Variants in NFIC observed in about 807,000 individuals in gnomAD.
The protein encoded by NFIC is nuclear factor I C, also known as nuclear factor 1 C-type.
In NFIC, 12 loss-of-function variants were observed where a neutral mutation model predicts 54.4. That is an observed-to-expected ratio of 0.22 (90% CI 0.14 to 0.36). The LOEUF (loss-of-function observed/expected upper bound fraction) is 0.36, where lower values mean the gene tolerates loss of function less well. NFIC is among the 10% of genes least tolerant of loss of function. NFIC has a pLI of 1.00. For missense variants in NFIC, 575 were observed against 718.2 expected (o/e 0.80, Z 2.28); for synonymous variants, 322 against 319.2 (o/e 1.01, Z -0.09).
At chr19:3,441,642 C>T (rs8110665) in intron 6 of NFIC, among the ~76,000 whole-genome samples, 10,342 of 152,208 alleles carry the variant, frequency 0.068, 1,146 homozygotes, top group African/African-American at 0.23. Flanking sequence ...ATTGGTGGAC[C>T]GAGGCAAGGG....
chr19:3,363,320 G>A (rs1207354925), upstream of NFIC, among the ~76,000 whole-genome samples: 1 of 137,760 alleles, frequency 7.3e-6, no homozygotes, highest in Admixed American at 7.7e-5. Context: ...TGCCCAGGCT[G>A]GAGTGCAATG....
At chr19:3,386,602 C>T (rs1029927961) in intron 2 of NFIC, among the ~76,000 whole-genome samples, 7 of 152,020 alleles carry the variant, frequency 4.6e-5, no homozygotes, top group South Asian at 2.1e-4. Context: ...GGATGACAGG[C>T]GTGAGCCACC....
intron 2 of NFIC, among the ~76,000 whole-genome samples, chr19:3,420,625 C>T (rs940020064): frequency 1.3e-5 from 2 of 151,480 alleles, no homozygotes; most frequent in African/African-American, 4.9e-5. Context: ...GTACCAATAG[C>T]GATATTAATC....
intron 2 of NFIC, among the ~76,000 whole-genome samples, chr19:3,408,019 T>C (rs2081682587): frequency 6.6e-6 from 1 of 152,158 alleles, no homozygotes. Context: ...ACCCAGTAGC[T>C]GGGAATTCCA....
In NFIC at chr19:3,453,280, T is replaced by C. The variant is rs1193744549; in HGVS notation, c.1270-483T>C. On this transcript the variant is annotated intron_variant, in intron 8 of 10. Coordinates refer to ENST00000443272, the MANE Select transcript of NFIC (RefSeq NM_001245002.2). The surrounding 1 kb of genome is among the most constrained non-coding windows in gnomAD (Gnocchi z 6.7). ...TTGGGGGGCGGGGGGCAGGAAGACA[T>C]TGATTACAAAAAAACCACCAAACTC... Among the ~76,000 whole-genome samples the C allele has an allele frequency of 6.6e-6, 1 of 151,890 alleles. No individual in the cohort carries two copies. The highest frequency in any genetic ancestry group is 1.5e-5 in the Non-Finnish European group (1 of 67,972).
At chr19:3,451,857 C>T (rs1452091842) in intron 7 of NFIC, among the ~76,000 whole-genome samples, 1 of 151,792 alleles carries the variant, frequency 6.6e-6, no homozygotes, top group East Asian at 1.9e-4. Context: ...TGGCTCACGC[C>T]TGCAATCCCA....
intron 3 of NFIC, among the ~76,000 whole-genome samples, chr19:3,429,796 A>G (rs2082093051): frequency 2.0e-5 from 3 of 152,146 alleles, no homozygotes; most frequent in Non-Finnish European, 2.9e-5. Context: ...CTGGCCTGCA[A>G]CTTGCCAAGT....
At chr19:3,403,055 A>T (rs1028852474) in intron 2 of NFIC, among the ~76,000 whole-genome samples, 1 of 152,218 alleles carries the variant, frequency 6.6e-6, no homozygotes, top group Non-Finnish European at 1.5e-5. Context: ...GGAGAATCCC[A>T]AATATTCATG....
chr19:3,431,713 G>T (rs536486035), intron 3 of NFIC, among the ~76,000 whole-genome samples: 6 of 151,556 alleles, frequency 4.0e-5, no homozygotes, highest in Non-Finnish European at 8.8e-5. Flanking sequence ...CATGTTGCCC[G>T]GGCTGATCTC....
Position 3,464,179 on chromosome 19 carries a change from C to G in NFIC, c.*1410C>G, listed in dbSNP as rs2082683859. On this transcript the variant is annotated 3_prime_UTR_variant, in exon 11 of 11. Transcript: ENST00000443272. ...CCGTTTGCACTTTCATCGCCTACCCCGACGCGGGGCCCAGCTGCGGGACGT... is the reference window on the plus strand; with the variant it reads ...CCGTTTGCACTTTCATCGCCTACCCGGACGCGGGGCCCAGCTGCGGGACGT... 2.0e-6 allele frequency: 2 copies of G among 984,142 alleles called. No individual in the cohort carries two copies. Among genetic ancestry groups the G allele is most frequent in the African/African-American group, 1.8e-5 (1 of 56,124 alleles). The allele number at this position is 984,142 out of a possible 1,614,324, so 61.0% of individuals were successfully genotyped here.
At position 3,467,734 on chromosome 19, in the gene NFIC, C is replaced by T. The variant is rs960301801; in HGVS notation, c.*4965C>T. 2.6e-5 allele frequency: 3 copies of T among 114,896 alleles called. No individual in the cohort carries two copies. The highest frequency in any genetic ancestry group is 5.0e-5 in the Non-Finnish European group (3 of 59,666). 7.1% of individuals were successfully genotyped at this position (114,896 alleles called of 1,614,324 possible). A position where few individuals can be genotyped will look rare whatever the true frequency, so the allele number is the denominator to read the frequency against. ...TCTGGCCTCCCCAATGGTACTTTGA[C>T]CTCCAGTGTAGGGCTATACTATACA... is the stretch of plus-strand genomic sequence containing the variant. On this transcript the variant is annotated 3_prime_UTR_variant, in exon 11 of 11. Coordinates refer to ENST00000443272, the MANE Select transcript of NFIC (RefSeq NM_001245002.2).
chr19:3,362,026 G>T (rs565914935), upstream of NFIC, among the ~76,000 whole-genome samples: 25 of 152,240 alleles, frequency 1.6e-4, no homozygotes, highest in Middle Eastern at 6.8e-3. Context: ...CCGCACTTGC[G>T]GGGGGATAGA....
Position 3,449,089 on chromosome 19 carries a change from G to T in NFIC, c.1034G>T (p.Arg345Leu), listed in dbSNP as rs200686979. 3.7e-6 allele frequency: 6 copies of T among 1,613,722 alleles called. No individual in the cohort carries two copies. The highest frequency in any genetic ancestry group is 5.1e-6 in the Non-Finnish European group (6 of 1,179,830). The change falls in exon 7 of 11, where the codon CGC (arginine) becomes CTC (leucine). Residue 345 changes from arginine (R) to leucine (L), a missense_variant. Physicochemically the swap from Arg to Leu is moderately radical, Grantham distance 102 (BLOSUM62 -2). Coordinates refer to ENST00000443272, the MANE Select transcript of NFIC (RefSeq NM_001245002.2). ...FNSPSPQDSPRLSSFTQHHRP... is the reference protein window; with the variant it reads ...FNSPSPQDSPLLSSFTQHHRP... ...AGCCCGTCCCCCCAGGACTCTCCCCGCCTCTCCAGCTTCACCCAGCACCAC... is the reference window on the plus strand; with the variant it reads ...AGCCCGTCCCCCCAGGACTCTCCCCTCCTCTCCAGCTTCACCCAGCACCAC...
intron 2 of NFIC, among the ~76,000 whole-genome samples, chr19:3,395,157 G>A (rs1456786981): frequency 3.9e-5 from 6 of 152,176 alleles, no homozygotes; most frequent in East Asian, 3.9e-4. Context: ...TCAGGAGTTC[G>A]AGACCAGCCT....
At chr19:3,411,895 G>A (rs2145570300) in intron 2 of NFIC, among the ~76,000 whole-genome samples, 2 of 152,214 alleles carry the variant, frequency 1.3e-5, no homozygotes, top group Middle Eastern at 6.8e-3. Context: ...CAGTTTGTCC[G>A]CGCCGTCAGT....
chr19:3,360,723 G>A (rs551132143), intron 1 of NFIC, among the ~76,000 whole-genome samples: 9 of 151,846 alleles, frequency 5.9e-5, no homozygotes, highest in African/African-American at 2.2e-4. Flanking sequence ...TTGGATAACT[G>A]GGCGACTGTG....
At chr19:3,361,298 G>A (rs73520292) in intron 1 of NFIC, among the ~76,000 whole-genome samples, 5,676 of 152,240 alleles carry the variant, frequency 0.037, 382 homozygotes, top group African/African-American at 0.13. Context: ...CGAGGGGTGG[G>A]TGGTTACAGC....
At chr19:3,377,123 T>C (rs1047537294) in intron 1 of NFIC, among the ~76,000 whole-genome samples, 5 of 151,082 alleles carry the variant, frequency 3.3e-5, no homozygotes, top group African/African-American at 9.7e-5. Context: ...GGTCAGGACA[T>C]TGAGACCATC....
At chr19:3,422,758 C>T (rs942416900) in intron 2 of NFIC, among the ~76,000 whole-genome samples, 2 of 151,850 alleles carry the variant, frequency 1.3e-5, no homozygotes, top group African/African-American at 2.4e-5. Context: ...CACAAAGACC[C>T]GGGGGGTCTT....
Sources: allele counts gnomAD v4.1 joint callset (sites outside exome capture counted in the v4.1 genomes callset), GRCh38; gene constraint gnomAD v4.1.1; non-coding constraint Gnocchi (gnomAD v3.1); transcripts MANE v1.5; gene names NCBI Gene and HGNC (gene_info 2026-07-23, HGNC 2026-07-21).